Variants in OSBP observed in about 807,000 individuals in gnomAD.
OSBP encodes oxysterol-binding protein 1.
Under a neutral mutation model 96.6 loss-of-function variants are expected in OSBP, and 32 were observed. The ratio of observed to expected loss-of-function variants is 0.33; its 90% CI spans 0.25 to 0.45. OSBP has a LOEUF of 0.45. Among genes scored for constraint, OSBP ranks in the 20% least tolerant of loss-of-function variants. The probability of loss-of-function intolerance (pLI) is 1.00; values close to 1 mark genes in which losing one functional copy is unlikely to be tolerated. For missense variants in OSBP, 653 were observed against 1,029.7 expected, an observed-to-expected ratio of 0.63 and a Z score of 5.01; for synonymous variants, 369 against 389.6, an observed-to-expected ratio of 0.95 and a Z score of 0.62.
chr11:59,596,739 G>A (rs1220179834), intron 7 of OSBP, among the ~76,000 whole-genome samples: 2 of 152,106 alleles, frequency 1.3e-5, no homozygotes, highest in Non-Finnish European at 2.9e-5. Flanking sequence ...TCAAGGCAGG[G>A]GAGGCCTCTC....
chr11:59,595,456 A>C (rs1365226336), intron 7 of OSBP, among the ~76,000 whole-genome samples: 1 of 152,042 alleles, frequency 6.6e-6, no homozygotes, highest in African/African-American at 2.4e-5. Flanking sequence ...TCTACCCACC[A>C]ATCTCTGAGC....
Position 59,615,300 on chromosome 11 carries a change from T to C in OSBP, c.362+3A>G, listed in dbSNP as rs772475135. ...TGAGCGACAGCGCCCCGGAAGCAGT[T>C]ACCTGTAGTAGCTCAGGAGCCCGTT... is the stretch of plus-strand genomic sequence containing the variant. On this transcript the variant is annotated splice_donor_region_variant and intron_variant, in intron 1 of 13. Coordinates refer to ENST00000263847, the MANE Select transcript of OSBP (RefSeq NM_002556.3). The C allele has an allele frequency of 2.5e-6, 4 of 1,594,970 alleles. No homozygotes were observed. In the Admixed American group the frequency reaches 6.7e-5, roughly 27 times the overall value.
chr11:59,586,227 G>C (rs1178945545), intron 9 of OSBP, among the ~76,000 whole-genome samples: 2 of 142,328 alleles, frequency 1.4e-5, no homozygotes, highest in African/African-American at 2.6e-5. Flanking sequence ...ATTCAACAAA[G>C]TAACAGGGTA....
rs915339439 is a variant in OSBP at position 59,599,223 on chromosome 11, T to C, written c.1311+1273A>G. The stretch of plus-strand genomic sequence containing the variant: ...TCACAACCACTTAACACTGCTGTTA[T>C]AGGATGAAAGCAGCTGCAGATGATA... On this transcript the variant is annotated intron_variant, in intron 7 of 13. Transcript: ENST00000263847. Among the ~76,000 whole-genome samples the C allele has an allele frequency of 5.9e-5, 9 of 152,356 alleles. No homozygotes were observed. In the East Asian group the frequency reaches 1.2e-3, roughly 20 times the overall value.
At chr11:59,586,793 G>T (rs1860504527) in intron 9 of OSBP, among the ~76,000 whole-genome samples, 1 of 152,172 alleles carries the variant, frequency 6.6e-6, no homozygotes, top group African/African-American at 2.4e-5. Flanking sequence ...ATGGGGACAG[G>T]ACAGTCTTTT....
chr11:59,584,506 A>G (rs1860469491), intron 9 of OSBP, among the ~76,000 whole-genome samples: 1 of 152,236 alleles, frequency 6.6e-6, no homozygotes, highest in South Asian at 2.1e-4. Flanking sequence ...TGGTAAATGC[A>G]ATACACCACA....
At chr11:59,609,735 T>C (rs1178463901) in intron 2 of OSBP, among the ~76,000 whole-genome samples, 1 of 152,182 alleles carries the variant, frequency 6.6e-6, no homozygotes, top group Non-Finnish European at 1.5e-5. Context: ...AATCGTACCA[T>C]TTTCCTTGAA....
chr11:59,592,798 CCTTTTT>C (rs1860601603), intron 9 of OSBP, among the ~76,000 whole-genome samples: 1 of 148,658 alleles, frequency 6.7e-6, no homozygotes, highest in African/African-American at 2.5e-5. Context: ...TTGGGTTTTT[CCTTTTT>C]TTTTTTTTTG....
At chr11:59,587,975 A>G (rs948448110) in intron 9 of OSBP, among the ~76,000 whole-genome samples, 1 of 152,226 alleles carries the variant, frequency 6.6e-6, no homozygotes, top group African/African-American at 2.4e-5. Flanking sequence ...CATGGAAGCA[A>G]TCCAAGAGTC....
At chr11:59,604,850 GTC>G (rs142181966) in intron 3 of OSBP, among the ~76,000 whole-genome samples, 9,645 of 144,334 alleles carry the variant, frequency 0.067, 413 homozygotes, top group Middle Eastern at 0.14. Context: ...GCAATACTCT[GTC>G]TCTAAAAAAA....
intron 12 of OSBP, among the ~76,000 whole-genome samples, 177 bp from the exon 13 acceptor site, chr11:59,577,202 T>A (rs1257129747): frequency 6.6e-6 from 1 of 152,118 alleles, no homozygotes; most frequent in Non-Finnish European, 1.5e-5. Context: ...ACAAATTGGA[T>A]CCCTCCCCAT....
At chr11:59,577,208 C>G (rs1860370981) in intron 12 of OSBP, among the ~76,000 whole-genome samples, 183 bp from the exon 13 acceptor site, 1 of 152,150 alleles carries the variant, frequency 6.6e-6, no homozygotes, top group South Asian at 2.1e-4. Flanking sequence ...TGGATCCCTC[C>G]CCATCCGCTC....
At chr11:59,578,465 AT>A in intron 11 of OSBP, 135 bp from the exon 12 acceptor site, 1 of 817,754 alleles carries the variant, frequency 1.2e-6, no homozygotes, top group East Asian at 2.6e-5. Flanking sequence ...CCAAATTATT[AT>A]TAGAGATGGG....
chr11:59,577,145 C>T, intron 12 of OSBP, 120 bp from the exon 13 acceptor site: 2 of 783,398 alleles, frequency 2.6e-6, no homozygotes, highest in Non-Finnish European at 4.0e-6. Flanking sequence ...AAAACAGGAT[C>T]TGTGAAAAGG....
chr11:59,590,101 C>T (rs534477154), intron 9 of OSBP, among the ~76,000 whole-genome samples: 1 of 152,258 alleles, frequency 6.6e-6, no homozygotes. Context: ...ATCTTTTTAG[C>T]CTATTTTATA....
chr11:59,576,479 G>C lies in OSBP; in HGVS notation c.*98C>G. ...ATGATTGGTCAAGAGAGACAAACTT[G>C]AGGAAAGCACTTGGTAAGAGAGTCA... On this transcript the variant is annotated 3_prime_UTR_variant, in exon 14 of 14. Transcript: ENST00000263847. 2 of 1,339,110 alleles carry C rather than the reference G, an allele frequency of 1.5e-6. No individual in the cohort carries two copies. The highest frequency in any genetic ancestry group is 1.0e-6 in the Non-Finnish European group (1 of 975,240). 83.0% of individuals were successfully genotyped at this position (1,339,110 alleles called of 1,614,324 possible). A position where few individuals can be genotyped will look rare whatever the true frequency, so the allele number is the denominator to read the frequency against.
chr11:59,606,480 A>C (rs1388051618), intron 3 of OSBP, among the ~76,000 whole-genome samples: 1 of 152,006 alleles, frequency 6.6e-6, no homozygotes, highest in Non-Finnish European at 1.5e-5. Context: ...GGAGCTAAAC[A>C]TTGGGTACAC....
At chr11:59,600,903 G>A in intron 5 of OSBP, 30 bp from the exon 6 acceptor site, 6 of 1,592,712 alleles carry the variant, frequency 3.8e-6, no homozygotes, top group Non-Finnish European at 5.2e-6. Flanking sequence ...AGGAGAATTA[G>A]AACAAAGACC....
intron 3 of OSBP, 42 bp downstream of exon 3, chr11:59,608,442 G>C (rs1342923978): frequency 6.2e-7 from 1 of 1,612,198 alleles, no homozygotes; most frequent in Non-Finnish European, 8.5e-7. Flanking sequence ...GTTTCAAAGA[G>C]GGAATGAATC....
Sources: allele counts gnomAD v4.1 joint callset (sites outside exome capture counted in the v4.1 genomes callset), GRCh38; gene constraint gnomAD v4.1.1; transcripts MANE v1.5; gene names NCBI Gene and HGNC (gene_info 2026-07-23, HGNC 2026-07-21).